TOR1AIP1: variants seen among roughly 807,000 people sequenced by gnomAD.
TOR1AIP1 encodes the protein torsin-1A-interacting protein 1.
Under a neutral mutation model 63.3 loss-of-function variants are expected in TOR1AIP1, and 54 were observed. The observed-to-expected ratio is 0.85, with a 90% CI of 0.69 to 1.07. The LOEUF is 1.07. Among genes scored for constraint, TOR1AIP1 ranks in the 50% least tolerant of loss-of-function variants. TOR1AIP1 has a pLI of 0.00. For missense variants in TOR1AIP1, 736 were observed against 715.0 expected, an observed-to-expected ratio of 1.03 and a Z score of -0.33; for synonymous variants, 294 against 273.5, an observed-to-expected ratio of 1.07 and a Z score of -0.74.
intron 2 of TOR1AIP1, among the ~76,000 whole-genome samples, chr1:179,887,099 C>T (rs1647929745): frequency 6.6e-6 from 1 of 151,888 alleles, no homozygotes; most frequent in African/African-American, 2.4e-5. Context: ...GCAAAGATGC[C>T]CTTACGAATA....
chr1:179,895,639 C>T (rs1648242704), intron 3 of TOR1AIP1, among the ~76,000 whole-genome samples: 1 of 152,162 alleles, frequency 6.6e-6, no homozygotes, highest in Admixed American at 6.6e-5. Context: ...GTGTCTCACA[C>T]CTGTAATCCC....
At chr1:179,885,111 A>G (rs1261408024) in intron 2 of TOR1AIP1, among the ~76,000 whole-genome samples, 2 of 152,244 alleles carry the variant, frequency 1.3e-5, no homozygotes, top group Admixed American at 6.5e-5. Flanking sequence ...AATTTGTTCA[A>G]TGTCAAATGA....
chr1:179,898,754 T>G (rs1026060264), intron 3 of TOR1AIP1, among the ~76,000 whole-genome samples: 3 of 152,090 alleles, frequency 2.0e-5, no homozygotes, highest in Non-Finnish European at 4.4e-5. Flanking sequence ...AAAAATTTTT[T>G]TCGTTTGACT....
intron 3 of TOR1AIP1, among the ~76,000 whole-genome samples, chr1:179,890,277 T>C (rs1289925577): frequency 6.6e-6 from 1 of 152,178 alleles, no homozygotes; most frequent in East Asian, 1.9e-4. Context: ...CTACTTTTAC[T>C]TCATTTTCCT....
intron 2 of TOR1AIP1, among the ~76,000 whole-genome samples, chr1:179,887,107 A>T (rs1322986258): frequency 6.6e-6 from 1 of 152,196 alleles, no homozygotes; most frequent in Non-Finnish European, 1.5e-5. Context: ...GCCCTTACGA[A>T]TAAAGACCTA....
In TOR1AIP1 at chr1:179,882,754, A is replaced by G. The variant is rs140133465; in HGVS notation, c.252A>G (p.Arg84=). ...AAGAAAGGTCCCCGGTGGGAAAACGAACCCGGCTAGAAGAGTTCCGGTCCG... is the reference window on the plus strand; with the variant it reads ...AAGAAAGGTCCCCGGTGGGAAAACGGACCCGGCTAGAAGAGTTCCGGTCCG... ...VAKERSPVGK[R]TRLEEFRSDS... Residue 84 remains arginine (R), a synonymous_variant, in exon 1 of 10, where the codon CGA becomes CGG. Coordinates refer to ENST00000606911, the MANE Select transcript of TOR1AIP1 (RefSeq NM_015602.4). 12 of 1,614,150 alleles carry G rather than the reference A, an allele frequency of 7.4e-6. No individual in the cohort carries two copies. The highest frequency in any genetic ancestry group is 9.3e-6 in the Non-Finnish European group (11 of 1,180,000).
chr1:179,889,472 T>A (rs1648000836), intron 3 of TOR1AIP1, 103 bp downstream of exon 3: 2 of 971,696 alleles, frequency 2.1e-6, no homozygotes, highest in Non-Finnish European at 1.5e-6. Flanking sequence ...TAAAAGTTAC[T>A]GTAAATATAC....
In TOR1AIP1 at chr1:179,897,994, C is replaced by T. The variant is rs558440975; in HGVS notation, c.611-2132C>T. 1.1e-4 allele frequency among the ~76,000 whole-genome samples: 17 copies of T among 151,938 alleles called. No homozygotes were observed. The East Asian group carries it at 2.7e-3, about 24-fold the overall frequency. ...ACATGTGCCTGTAGTCCCAACTACTCAGGAGGCTGAGGTGGAAGGATGGCT... is the reference window on the plus strand; with the variant it reads ...ACATGTGCCTGTAGTCCCAACTACTTAGGAGGCTGAGGTGGAAGGATGGCT... On this transcript the variant is annotated intron_variant, in intron 3 of 9. Coordinates refer to ENST00000606911, the MANE Select transcript of TOR1AIP1 (RefSeq NM_015602.4).
At position 179,882,991 on chromosome 1, in the gene TOR1AIP1, A is replaced by G; in HGVS notation, c.475+14A>G. 6 of 1,599,854 alleles carry G rather than the reference A, an allele frequency of 3.8e-6. No homozygotes were observed. The highest frequency in any genetic ancestry group is 5.1e-6 in the Non-Finnish European group (6 of 1,174,026). On this transcript the variant is annotated intron_variant, in intron 1 of 9. Coordinates refer to ENST00000606911, the MANE Select transcript of TOR1AIP1 (RefSeq NM_015602.4). ...ATTCCTCTGAAGGTGAGGACCGCGG[A>G]GGTAACAGTCCCAGCCGCGAGCCAG...
rs1336313784 is a variant in TOR1AIP1 at position 179,900,435 on chromosome 1, C to T, written c.652+268C>T. The T allele has an allele frequency of 6.3e-5, 16 of 252,106 alleles. No individual in the cohort carries two copies. The East Asian group carries it at 1.3e-3, about 20-fold the overall frequency. 15.6% of individuals were successfully genotyped at this position (252,106 alleles called of 1,614,324 possible). A position where few individuals can be genotyped will look rare whatever the true frequency, so the allele number is the denominator to read the frequency against. On this transcript the variant is annotated intron_variant, in intron 4 of 9. Coordinates refer to ENST00000606911, the MANE Select transcript of TOR1AIP1 (RefSeq NM_015602.4). ...CGGGAGCGGGGGACCACCATGTTGC[C>T]TAAAGAGGGGTGAATCCATTCAGTT...
intron 3 of TOR1AIP1, among the ~76,000 whole-genome samples, chr1:179,895,673 G>T (rs922289894): frequency 2.0e-5 from 3 of 152,194 alleles, no homozygotes; most frequent in African/African-American, 7.2e-5. Flanking sequence ...GCCGAAGCAG[G>T]TGGATCACCT....
intron 3 of TOR1AIP1, among the ~76,000 whole-genome samples, chr1:179,898,525 C>T (rs1648352724): frequency 1.3e-5 from 2 of 151,966 alleles, no homozygotes; most frequent in South Asian, 2.1e-4. Flanking sequence ...AATAAAACTT[C>T]AAAAAGAGAA....
intron 8 of TOR1AIP1, among the ~76,000 whole-genome samples, chr1:179,911,351 A>G (rs545803951): frequency 3.7e-4 from 56 of 152,196 alleles, no homozygotes; most frequent in African/African-American, 1.2e-3. Flanking sequence ...TTTGGTGAGG[A>G]AAAAAAAGTC....
intron 8 of TOR1AIP1, among the ~76,000 whole-genome samples, chr1:179,909,249 G>A (rs1293943748): frequency 2.0e-5 from 3 of 152,136 alleles, no homozygotes; most frequent in African/African-American, 7.2e-5. Flanking sequence ...ATACAATAAT[G>A]AAATTCTACT....
At chr1:179,890,727 C>A (rs780589653) in intron 3 of TOR1AIP1, among the ~76,000 whole-genome samples, 2 of 152,090 alleles carry the variant, frequency 1.3e-5, no homozygotes, top group African/African-American at 2.4e-5. Context: ...TCAACTGAGC[C>A]TCCTACTTCA....
At chr1:179,886,577 G>A (rs919536956) in intron 2 of TOR1AIP1, among the ~76,000 whole-genome samples, 14 of 151,868 alleles carry the variant, frequency 9.2e-5, no homozygotes, top group African/African-American at 3.1e-4. Context: ...TTTTCTCATA[G>A]CCCTTTACAA....
chr1:179,916,938 C>T lies in TOR1AIP1; in HGVS notation c.965-514C>T, dbSNP rs147127915. Among the ~76,000 whole-genome samples the T allele has an allele frequency of 8.3e-3, 1,257 of 152,042 alleles. 20 individuals carry two copies. The highest frequency in any genetic ancestry group is 0.029 in the African/African-American group (1,220 of 41,474). On this transcript the variant is annotated intron_variant, in intron 9 of 9. Transcript: ENST00000606911. The stretch of plus-strand genomic sequence containing the variant: ...TCCTGACCTCGTGATCCTCCCTCCT[C>T]GGCCTCCCAAAGTGCTGGGACTACA...
intron 5 of TOR1AIP1, 70 bp downstream of exon 5, chr1:179,901,458 T>TA (rs1320226571): frequency 7.3e-5 from 71 of 967,050 alleles, no homozygotes; most frequent in South Asian, 1.1e-4. Context: ...ATTTGCTTTT[T>TA]AAAAAAAACT....
rs924696354 is a variant in TOR1AIP1, at chr1:179,905,968, C to G, written c.797-1855C>G. Reference sequence around the variant, plus strand: ...ACTCCATCTCAAAAAAAAAGAAATACTATTTAGAAATGAAAAATGAGTTAG... The same window carrying G: ...ACTCCATCTCAAAAAAAAAGAAATAGTATTTAGAAATGAAAAATGAGTTAG... On this transcript the variant is annotated intron_variant, in intron 6 of 9. Transcript: ENST00000606911. Among the ~76,000 whole-genome samples the G allele has an allele frequency of 7.2e-5, 11 of 152,012 alleles. No homozygotes were observed. The South Asian group carries it at 2.3e-3, about 32-fold the overall frequency.
Sources: gnomAD v4.1 joint callset for allele counts (sites outside exome capture counted in the v4.1 genomes callset) on GRCh38, gnomAD v4.1.1 for gene constraint, MANE v1.5 for transcripts, NCBI Gene and HGNC (gene_info 2026-07-23, HGNC 2026-07-21) for gene names.